CEP85L: variants seen among roughly 807,000 people sequenced by gnomAD.
CEP85L encodes the protein centrosomal protein 85L.
Under a neutral mutation model 100.3 loss-of-function variants are expected in CEP85L, and 60 were observed. The ratio of observed to expected loss-of-function variants is 0.60; its 90% CI spans 0.49 to 0.74. CEP85L has a LOEUF of 0.74. CEP85L is among the 30% of genes least tolerant of loss of function. CEP85L has a pLI of 0.00. For synonymous variants in CEP85L, 319 were observed against 322.7 expected (o/e 0.99, Z 0.12); for missense variants, 973 against 936.2 (o/e 1.04, Z -0.51).
intron 1 of CEP85L, among the ~76,000 whole-genome samples, chr6:118,701,802 G>T (rs1000589351): frequency 3.3e-5 from 5 of 152,038 alleles, no homozygotes; most frequent in Non-Finnish European, 5.9e-5. Flanking sequence ...AAGAAGATTG[G>T]GTTCCTGAAC....
At chr6:118,633,473 G>T (rs1562326344) in intron 1 of CEP85L, among the ~76,000 whole-genome samples, 1 of 152,020 alleles carries the variant, frequency 6.6e-6, no homozygotes, top group Non-Finnish European at 1.5e-5. Flanking sequence ...CAAAGTGCTG[G>T]GATTGCAGGT....
chr6:118,471,109 C>T (rs557724488), intron 10 of CEP85L, among the ~76,000 whole-genome samples: 4 of 152,066 alleles, frequency 2.6e-5, no homozygotes, highest in African/African-American at 7.2e-5. Flanking sequence ...ACATAGCTCC[C>T]GTCTTTCATT....
intron 8 of CEP85L, 47 bp from the exon 9 acceptor site, chr6:118,480,560 AT>A (rs748309939): frequency 9.2e-6 from 11 of 1,190,232 alleles, no homozygotes; most frequent in East Asian, 7.1e-5. Flanking sequence ...CTATTTGCTG[AT>A]TTTGGTAATG....
At chr6:118,472,508 T>C (rs1340880900) in intron 10 of CEP85L, among the ~76,000 whole-genome samples, 1 of 152,136 alleles carries the variant, frequency 6.6e-6, no homozygotes, top group African/African-American at 2.4e-5. Context: ...ACCTAAAACA[T>C]TAATTACTTC....
chr6:118,524,230 G>T (rs879941383), intron 3 of CEP85L, among the ~76,000 whole-genome samples: 4 of 152,144 alleles, frequency 2.6e-5, no homozygotes, highest in Non-Finnish European at 4.4e-5. Flanking sequence ...GGAGGCCGAG[G>T]TCAGGAGATC....
chr6:118,580,803 G>C (rs1780530572), intron 2 of CEP85L, among the ~76,000 whole-genome samples: 1 of 152,154 alleles, frequency 6.6e-6, no homozygotes, highest in Non-Finnish European at 1.5e-5. Flanking sequence ...TCTATCTGTG[G>C]TCTCTTACTC....
chr6:118,632,352 A>C, intron 2 of CEP85L, 101 bp downstream of exon 2: 1 of 929,500 alleles, frequency 1.1e-6, no homozygotes, highest in East Asian at 2.6e-5. Flanking sequence ...TTCAAACACT[A>C]TAATTTTCAG....
chr6:118,566,030 A>C lies in CEP85L; in HGVS notation c.519T>G (p.Thr173=). The change falls in exon 3 of 13, where the codon ACT becomes ACG. Residue 173 remains threonine (T), a synonymous_variant. Transcript: ENST00000368491. The part of the protein sequence containing the change: ...TAPDNCGQGG[T]VCREESRNGL... ...CATTCCTTGACTCTTCTCTGCATAC[A>C]GTGCCACCCTGGCCACAGTTATCCG... 6.2e-7 allele frequency: 1 copy of C among 1,614,178 alleles called. No individual in the cohort carries two copies. Among genetic ancestry groups the C allele is most frequent in the Middle Eastern group, 1.6e-4 (1 of 6,062 alleles).
chr6:118,555,401 C>G (rs2114950117), intron 3 of CEP85L, among the ~76,000 whole-genome samples: 2 of 140,322 alleles, frequency 1.4e-5, no homozygotes, highest in African/African-American at 5.4e-5. Flanking sequence ...GCACTCCAGC[C>G]TGGGCAACAC....
intron 2 of CEP85L, among the ~76,000 whole-genome samples, chr6:118,621,927 C>T (rs1042139899): frequency 1.3e-5 from 2 of 152,080 alleles, no homozygotes; most frequent in Non-Finnish European, 2.9e-5. Flanking sequence ...GAATCAGAGG[C>T]GGAAACAGCC....
At chr6:118,670,219 CTT>C (rs765749358) in intron 1 of CEP85L, among the ~76,000 whole-genome samples, 7 of 134,102 alleles carry the variant, frequency 5.2e-5, no homozygotes, top group East Asian at 2.2e-4. Flanking sequence ...CAAGCAGAGG[CTT>C]TTTTTTTTTT....
chr6:118,500,610 G>A (rs1339831590), intron 5 of CEP85L, among the ~76,000 whole-genome samples: 1 of 151,748 alleles, frequency 6.6e-6, no homozygotes, highest in Non-Finnish European at 1.5e-5. Flanking sequence ...CTAGAGGCAA[G>A]GTGCCCCCGA....
chr6:118,513,646 T>G (rs1776097032), intron 4 of CEP85L, among the ~76,000 whole-genome samples: 1 of 152,090 alleles, frequency 6.6e-6, no homozygotes, highest in Non-Finnish European at 1.5e-5. Flanking sequence ...CCTGTTAACC[T>G]ATAATACTTC....
rs921568456 is a variant in CEP85L at position 118,580,820 on chromosome 6, T to C, written c.233-14504A>G. Among the ~76,000 whole-genome samples the C allele has an allele frequency of 4.6e-5, 7 of 152,362 alleles. 1 individual carries two copies. In the South Asian group the frequency reaches 6.2e-4, roughly 14 times the overall value. Reference sequence around the variant, plus strand: ...TATCTGTGGTCTCTTACTCTGTGTGTATGTGTCAACTGTGTGGGAATTTAG... The same window carrying C: ...TATCTGTGGTCTCTTACTCTGTGTGCATGTGTCAACTGTGTGGGAATTTAG... On this transcript the variant is annotated intron_variant, in intron 2 of 12. Coordinates refer to ENST00000368491, the MANE Select transcript of CEP85L (RefSeq NM_001042475.3).
rs554498353 is a variant in CEP85L, at chr6:118,619,634, T to G, written c.232+12819A>C. On this transcript the variant is annotated intron_variant, in intron 2 of 12. Coordinates refer to ENST00000368491, the MANE Select transcript of CEP85L (RefSeq NM_001042475.3). Reference sequence around the variant, plus strand: ...CCCAAACTAAGTCCCTTACAAGCAGTAGGAGGAGAATTTAGGCCCACCCAT... The same window carrying G: ...CCCAAACTAAGTCCCTTACAAGCAGGAGGAGGAGAATTTAGGCCCACCCAT... Among the ~76,000 whole-genome samples, 6 of 152,096 alleles carry G rather than the reference T, an allele frequency of 3.9e-5. No homozygotes were observed. In the East Asian group the frequency reaches 7.7e-4, roughly 20 times the overall value.
At chr6:118,523,942 A>C in intron 3 of CEP85L, 22 bp from the exon 4 acceptor site, 1 of 1,014,908 alleles carries the variant, frequency 9.9e-7, no homozygotes, top group South Asian at 1.7e-5. Flanking sequence ...TGTTTACACA[A>C]TTAGTATACT....
At chr6:118,530,452 T>C (rs1351747922) in intron 3 of CEP85L, among the ~76,000 whole-genome samples, 1 of 149,564 alleles carries the variant, frequency 6.7e-6, no homozygotes, top group Non-Finnish European at 1.5e-5. Context: ...CCCCTTGAAA[T>C]CCAGAGTAAG....
At chr6:118,487,894 C>T (rs909376790) in intron 6 of CEP85L, among the ~76,000 whole-genome samples, 5 of 152,162 alleles carry the variant, frequency 3.3e-5, no homozygotes, top group African/African-American at 1.2e-4. Context: ...ATGGACAGAA[C>T]ACCCAACAAT....
intron 1 of CEP85L, among the ~76,000 whole-genome samples, chr6:118,633,265 C>T (rs1441344422): frequency 2.0e-5 from 3 of 149,194 alleles, no homozygotes; most frequent in Non-Finnish European, 4.4e-5. Flanking sequence ...AGTGCAGTGG[C>T]GCGATCTCTG....
Sources: gnomAD v4.1 joint callset for allele counts (sites outside exome capture counted in the v4.1 genomes callset) on GRCh38, gnomAD v4.1.1 for gene constraint, MANE v1.5 for transcripts, NCBI Gene and HGNC (gene_info 2026-07-23, HGNC 2026-07-21) for gene names.